The following AIG1 variants were observed in gnomAD, a reference collection of about 807,000 sequenced individuals.
The protein encoded by AIG1 is androgen-induced gene 1 protein.
A neutral mutation model predicts 31.4 loss-of-function variants in AIG1; 23 were observed. The ratio of observed to expected loss-of-function variants is 0.73; its 90% CI spans 0.53 to 1.04. The LOEUF is 1.04. AIG1 is among the 50% of genes least tolerant of loss of function. The pLI, the probability that AIG1 is intolerant of heterozygous loss-of-function variation, is 0.00. For synonymous variants in AIG1, 100 were observed against 110.5 expected (o/e 0.90, Z 0.60); for missense variants, 274 against 295.0 (o/e 0.93, Z 0.52).
intron 3 of AIG1, among the ~76,000 whole-genome samples, chr6:143,270,684 C>A (rs6941056): frequency 6.6e-6 from 1 of 152,104 alleles, no homozygotes; most frequent in Admixed American, 6.5e-5. Context: ...CTTTATATGT[C>A]TTTAAATAAG....
downstream of AIG1, chr6:143,342,755 G>A (rs1170179614): frequency 3.6e-6 from 3 of 830,334 alleles, no homozygotes; most frequent in Admixed American, 3.4e-5. Context: ...GCGGACTCAG[G>A]TATCATAGCT....
At chr6:143,192,612 A>AC (rs1309284164) in intron 3 of AIG1, among the ~76,000 whole-genome samples, 2 of 148,928 alleles carry the variant, frequency 1.3e-5, no homozygotes, top group African/African-American at 4.9e-5. Context: ...TCTCAAGAAA[A>AC]AAAAAAAAAA....
At chr6:143,144,946 T>A (rs1275491459) in intron 2 of AIG1, among the ~76,000 whole-genome samples, 1 of 152,234 alleles carries the variant, frequency 6.6e-6, no homozygotes, top group Admixed American at 6.5e-5. Flanking sequence ...ATGGTTTAAG[T>A]AATAAAGATA....
At chr6:143,088,944 C>T (rs1779048395) in intron 1 of AIG1, among the ~76,000 whole-genome samples, 1 of 152,112 alleles carries the variant, frequency 6.6e-6, no homozygotes, top group Admixed American at 6.5e-5. Flanking sequence ...GGCATGGTGC[C>T]TCATGCCTGT....
chr6:143,275,751 T>C (rs1796846082), intron 3 of AIG1, among the ~76,000 whole-genome samples: 1 of 152,218 alleles, frequency 6.6e-6, no homozygotes, highest in African/African-American at 2.4e-5. Flanking sequence ...CTTTGTGCCA[T>C]TGTTGGTCTG....
chr6:143,135,239 T>C (rs1783627555), intron 1 of AIG1, among the ~76,000 whole-genome samples: 1 of 152,190 alleles, frequency 6.6e-6, no homozygotes, highest in Middle Eastern at 3.4e-3. Flanking sequence ...TAGCTAGTAA[T>C]GAAGAATAAT....
Position 143,340,609 on chromosome 6 carries a change from G to A in AIG1, c.*933G>A, listed in dbSNP as rs534870026. On this transcript the variant is annotated 3_prime_UTR_variant, in exon 6 of 6. Coordinates refer to ENST00000357847, the MANE Select transcript of AIG1 (RefSeq NM_016108.4). ...CTCCCGAGTAGCTGGGACTACAGGC[G>A]CCTGCCACACGCCCGGCTTATTTTT... 5.3e-5 allele frequency among the ~76,000 whole-genome samples: 8 copies of A among 151,898 alleles called. No individual in the cohort carries two copies. The highest frequency in any genetic ancestry group is 1.2e-4 in the African/African-American group (5 of 41,360).
Position 143,221,388 on chromosome 6 carries a change from AC to A in AIG1, c.399+56206del, listed in dbSNP as rs374523829. 2.6e-3 allele frequency among the ~76,000 whole-genome samples: 394 copies of A among 151,882 alleles called. 1 individual carries two copies. The highest frequency in any genetic ancestry group is 9.2e-3 in the African/African-American group (380 of 41,410). ...TTCAATTTTGTGGTCTCTGGCTTCAACTTTTGGCTTTTGAGAGCATTTTAGT... is the reference window on the plus strand; with the variant it reads ...TTCAATTTTGTGGTCTCTGGCTTCAATTTTGGCTTTTGAGAGCATTTTAGT... On this transcript the variant is annotated intron_variant, in intron 3 of 5. Coordinates refer to ENST00000357847, the MANE Select transcript of AIG1 (RefSeq NM_016108.4).
intron 3 of AIG1, among the ~76,000 whole-genome samples, chr6:143,251,337 C>A (rs1248010426): frequency 6.6e-6 from 1 of 152,174 alleles, no homozygotes; most frequent in Non-Finnish European, 1.5e-5. Flanking sequence ...CAGGAGTGAG[C>A]CACCGTGCCC....
intron 1 of AIG1, among the ~76,000 whole-genome samples, chr6:143,062,539 C>T (rs991244769): frequency 2.0e-5 from 3 of 152,118 alleles, no homozygotes; most frequent in Admixed American, 1.3e-4. Flanking sequence ...ACAACAATGT[C>T]GGAGTTGCCT....
At chr6:143,290,118 A>T (rs908054629) in intron 4 of AIG1, among the ~76,000 whole-genome samples, 1 of 152,088 alleles carries the variant, frequency 6.6e-6, no homozygotes, top group Non-Finnish European at 1.5e-5. Context: ...GCATATATGT[A>T]TGGGTCTGCA....
intron 3 of AIG1, among the ~76,000 whole-genome samples, chr6:143,246,943 G>T (rs1794661227): frequency 6.6e-6 from 1 of 152,180 alleles, no homozygotes; most frequent in Admixed American, 6.5e-5. Flanking sequence ...TATGGTTTAT[G>T]ACAGGAAAAG....
At chr6:143,112,949 G>A (rs1317459597) in intron 1 of AIG1, among the ~76,000 whole-genome samples, 4 of 152,132 alleles carry the variant, frequency 2.6e-5, no homozygotes, top group African/African-American at 9.7e-5. Flanking sequence ...GAAAAAATAA[G>A]CATCTTATTT....
intron 3 of AIG1, among the ~76,000 whole-genome samples, chr6:143,242,353 A>C (rs1794300489): frequency 6.6e-6 from 1 of 152,230 alleles, no homozygotes. Context: ...ACCCTTCTAT[A>C]ATAACAACCA....
intron 3 of AIG1, among the ~76,000 whole-genome samples, chr6:143,250,814 C>G (rs988028120): frequency 1.3e-5 from 2 of 152,080 alleles, no homozygotes; most frequent in Non-Finnish European, 2.9e-5. Context: ...AATATTATGA[C>G]GGGTTGTTTT....
Position 143,061,277 on chromosome 6 carries a change from G to A in AIG1, c.141+211G>A, listed in dbSNP as rs80228833. 2.3e-4 allele frequency: 162 copies of A among 695,630 alleles called. No homozygotes were observed. In the East Asian group the frequency reaches 4.7e-3, roughly 20 times the overall value. The allele number at this position is 695,630 out of a possible 1,614,324, so 43.1% of individuals were successfully genotyped here. ...CCTTCTGAACCACTCACCGTTACCTGGTAGCTGGGTACCCTTACCTGGCAA... is the reference window on the plus strand; with the variant it reads ...CCTTCTGAACCACTCACCGTTACCTAGTAGCTGGGTACCCTTACCTGGCAA... On this transcript the variant is annotated intron_variant, in intron 1 of 5. Coordinates refer to ENST00000357847, the MANE Select transcript of AIG1 (RefSeq NM_016108.4).
rs192714406 is a variant in AIG1 at position 143,079,818 on chromosome 6, A to G, written c.141+18752A>G. ...TTTTTTTTTGCAGTTGCAAGATTTA[A>G]TAGAGTGAAAACAGAGCTCCTATAC... On this transcript the variant is annotated intron_variant, in intron 1 of 5. Coordinates refer to ENST00000357847, the MANE Select transcript of AIG1 (RefSeq NM_016108.4). Among the ~76,000 whole-genome samples the G allele has an allele frequency of 2.2e-3, 314 of 142,742 alleles. 2 individuals are homozygous for G. Among genetic ancestry groups the G allele is most frequent in the African/African-American group, 7.7e-3 (293 of 38,154 alleles). 93.6% of individuals were successfully genotyped at this position (142,742 alleles called of 152,430 possible).
chr6:143,219,921 T>A (rs551373644), intron 3 of AIG1, among the ~76,000 whole-genome samples: 13 of 152,194 alleles, frequency 8.5e-5, no homozygotes, highest in Non-Finnish European at 1.8e-4. Context: ...CATTGCTATG[T>A]CATGGCGTTT....
chr6:143,115,839 G>A (rs377188929), intron 1 of AIG1, among the ~76,000 whole-genome samples: 109 of 152,298 alleles, frequency 7.2e-4, no homozygotes, highest in African/African-American at 2.3e-3. Flanking sequence ...TAGAGTTCCC[G>A]ACAGGTGTAC....
Sources: allele counts gnomAD v4.1 joint callset (sites outside exome capture counted in the v4.1 genomes callset), GRCh38; gene constraint gnomAD v4.1.1; transcripts MANE v1.5; gene names NCBI Gene and HGNC (gene_info 2026-07-23, HGNC 2026-07-21).